Variants in ZCCHC7 observed in about 807,000 individuals in gnomAD.
ZCCHC7 encodes the protein zinc finger CCHC-type containing 7.
In ZCCHC7, 35 loss-of-function variants were observed where a neutral mutation model predicts 52.0. That is an observed-to-expected ratio of 0.67 (90% CI 0.51 to 0.89). ZCCHC7 has a LOEUF of 0.89. Among genes scored for constraint, ZCCHC7 ranks in the 40% least tolerant of loss-of-function variants. ZCCHC7 has a pLI of 0.00. For synonymous variants in ZCCHC7, 217 were observed against 221.5 expected, an observed-to-expected ratio of 0.98 and a Z score of 0.18; for missense variants, 574 against 649.1, an observed-to-expected ratio of 0.88 and a Z score of 1.26.
At position 37,126,864 on chromosome 9, in the gene ZCCHC7, C is replaced by T; in HGVS notation, c.532C>T (p.Leu178=). 1 of 1,614,108 alleles carries T rather than the reference C, an allele frequency of 6.2e-7. No individual in the cohort carries two copies. The highest frequency in any genetic ancestry group is 8.5e-7 in the Non-Finnish European group (1 of 1,180,014). ...SEGDNVESWM[L]LGCEVDDKDD... is the part of the protein sequence containing the mutation. The stretch of plus-strand genomic sequence containing the variant: ...AGGTGATAATGTGGAAAGCTGGATG[C>T]TACTGGGATGTGAAGTAGATGATAA... The change falls in exon 2 of 9, where the codon CTA becomes TTA. Residue 178 remains leucine (L), a synonymous_variant. Transcript: ENST00000336755.
intron 6 of ZCCHC7, among the ~76,000 whole-genome samples, chr9:37,339,097 C>T (rs554933749): frequency 6.4e-4 from 97 of 152,198 alleles, no homozygotes; most frequent in African/African-American, 1.8e-3. Flanking sequence ...CTTTTAATGC[C>T]ATTTTTAACA....
At chr9:37,254,574 G>A (rs978238621) in intron 2 of ZCCHC7, among the ~76,000 whole-genome samples, 2 of 151,872 alleles carry the variant, frequency 1.3e-5, no homozygotes, top group Non-Finnish European at 1.5e-5. Flanking sequence ...GTTTAAGCCC[G>A]CTAATATGTG....
intron 5 of ZCCHC7, among the ~76,000 whole-genome samples, chr9:37,319,156 A>G (rs908406876): frequency 9.5e-6 from 1 of 105,812 alleles, no homozygotes; most frequent in Non-Finnish European, 2.0e-5. Context: ...CCTTTCATGC[A>G]CGCACTTATC....
intron 2 of ZCCHC7, among the ~76,000 whole-genome samples, chr9:37,156,261 T>C (rs1054465378): frequency 1.3e-5 from 2 of 152,234 alleles, no homozygotes; most frequent in African/African-American, 4.8e-5. Flanking sequence ...ATTTAAGCCA[T>C]TTTCATGAAT....
At chr9:37,284,230 A>G (rs1267097613) in intron 2 of ZCCHC7, 1 of 152,196 alleles carries the variant, frequency 6.6e-6, no homozygotes, top group African/African-American at 2.4e-5. Flanking sequence ...CTAAGCTTTG[A>G]AAACCATGAG....
intron 2 of ZCCHC7, among the ~76,000 whole-genome samples, chr9:37,251,784 T>C (rs1826341664): frequency 6.6e-6 from 1 of 152,058 alleles, no homozygotes; most frequent in Non-Finnish European, 1.5e-5. Flanking sequence ...ATCGTTACAG[T>C]TGAGAAAGGT....
intron 2 of ZCCHC7, among the ~76,000 whole-genome samples, chr9:37,152,506 C>T (rs1820585654): frequency 6.6e-6 from 1 of 152,064 alleles, no homozygotes; most frequent in South Asian, 2.1e-4. Context: ...TGTCATGTCT[C>T]CTTAGGCTTC....
chr9:37,193,332 G>T (rs888932250), intron 2 of ZCCHC7, among the ~76,000 whole-genome samples: 2 of 152,006 alleles, frequency 1.3e-5, no homozygotes, highest in African/African-American at 2.4e-5. Flanking sequence ...GTACACTTTT[G>T]TACTGTGTAA....
intron 1 of ZCCHC7, among the ~76,000 whole-genome samples, chr9:37,123,806 G>A (rs1361487189): frequency 6.6e-6 from 1 of 152,094 alleles, no homozygotes; most frequent in Non-Finnish European, 1.5e-5. Context: ...TCTTTTATTC[G>A]AATTCCTCTG....
intron 2 of ZCCHC7, among the ~76,000 whole-genome samples, chr9:37,277,617 T>C (rs377175860): frequency 3.3e-5 from 5 of 152,318 alleles, no homozygotes; most frequent in African/African-American, 1.2e-4. Context: ...TTTTAGTATT[T>C]TATGCTTGAG....
At chr9:37,296,881 T>TGTGTGTGTGTGTGTG (rs1828806798) in intron 2 of ZCCHC7, among the ~76,000 whole-genome samples, 1 of 124,136 alleles carries the variant, frequency 8.1e-6, no homozygotes, top group African/African-American at 3.0e-5. Context: ...CCTGGCTAGT[T>TGTGTGTGTGTGTGTG]TGTGTGTGTG....
rs1821589943 is a variant in ZCCHC7 at position 37,354,708 on chromosome 9, A to G, written c.1084-2A>G. 1 of 1,595,162 alleles carries G rather than the reference A, an allele frequency of 6.3e-7. No individual in the cohort carries two copies. Among genetic ancestry groups the G allele is most frequent in the Non-Finnish European group, 8.6e-7 (1 of 1,163,864 alleles). On this transcript the variant is annotated splice_acceptor_variant, in intron 7 of 8. Transcript: ENST00000336755. LOFTEE classifies it high-confidence loss of function. This position sits in a 1 kb window ranked among gnomAD's most constrained non-coding sequence, Gnocchi z 4.0. ...CATCATAATTTTACATACAATTTAT[A>G]GGAATGTCCAGAAAGAGAAGTGTAT... is the stretch of plus-strand genomic sequence containing the variant.
intron 1 of ZCCHC7, among the ~76,000 whole-genome samples, chr9:37,125,027 T>A (rs971939312): frequency 6.6e-6 from 1 of 152,190 alleles, no homozygotes; most frequent in African/African-American, 2.4e-5. Flanking sequence ...GATTTCTTTA[T>A]TTTTAGCAGA....
upstream of ZCCHC7, among the ~76,000 whole-genome samples, chr9:37,120,246 C>T (rs988154477): frequency 1.3e-5 from 2 of 152,148 alleles, no homozygotes; most frequent in Non-Finnish European, 2.9e-5. Context: ...TTGTAGTTTT[C>T]CTCGCGGGGG....
intron 2 of ZCCHC7, among the ~76,000 whole-genome samples, chr9:37,285,202 G>GA (rs905184508): frequency 5.3e-5 from 8 of 152,032 alleles, no homozygotes; most frequent in African/African-American, 1.7e-4. Context: ...GGTTTCTATG[G>GA]AAAAATTTAT....
At chr9:37,297,419 A>C (rs1369883348) in intron 2 of ZCCHC7, among the ~76,000 whole-genome samples, 1 of 152,230 alleles carries the variant, frequency 6.6e-6, no homozygotes, top group Admixed American at 6.5e-5. Context: ...TATTAAATGG[A>C]AACTTTTTAA....
chr9:37,303,933 G>T (rs1829169101), intron 3 of ZCCHC7, among the ~76,000 whole-genome samples: 1 of 152,124 alleles, frequency 6.6e-6, no homozygotes, highest in Non-Finnish European at 1.5e-5. Context: ...AAAGTGCTGG[G>T]ATTACAGGCA....
intron 6 of ZCCHC7, among the ~76,000 whole-genome samples, chr9:37,333,073 GT>G (rs1398503114): frequency 6.6e-6 from 1 of 151,484 alleles, no homozygotes; most frequent in Admixed American, 6.6e-5. Context: ...TACTAATTTG[GT>G]TTAAATGGGA....
intron 6 of ZCCHC7, among the ~76,000 whole-genome samples, chr9:37,345,319 T>C (rs1820890379): frequency 6.6e-6 from 1 of 152,246 alleles, no homozygotes; most frequent in African/African-American, 2.4e-5. Context: ...TATAGCTGTC[T>C]TTGTGGGTGG....
Sources: gnomAD v4.1 joint callset for allele counts (sites outside exome capture counted in the v4.1 genomes callset) on GRCh38, gnomAD v4.1.1 for gene constraint, Gnocchi (gnomAD v3.1) non-coding constraint, MANE v1.5 for transcripts, NCBI Gene and HGNC (gene_info 2026-07-23, HGNC 2026-07-21) for gene names.